The following RCBTB2 variants were observed in gnomAD, a reference collection of about 807,000 sequenced individuals.
The protein encoded by RCBTB2 is RCC1 and BTB domain containing protein 2.
In RCBTB2, 55 loss-of-function variants were observed where a neutral mutation model predicts 65.4. The observed-to-expected ratio is 0.84, with a 90% CI of 0.68 to 1.05. RCBTB2 has a LOEUF of 1.05. Ranked by LOEUF, RCBTB2 falls within the 50% of genes least tolerant of loss-of-function variation. The probability of loss-of-function intolerance (pLI) is 0.00; values close to 1 mark genes in which losing one functional copy is unlikely to be tolerated. For missense variants in RCBTB2, 599 were observed against 680.1 expected, an observed-to-expected ratio of 0.88 and a Z score of 1.33; for synonymous variants, 220 against 255.2, an observed-to-expected ratio of 0.86 and a Z score of 1.31.
At chr13:48,532,925 G>A (rs74371188) in intron 1 of RCBTB2, 103 bp downstream of exon 1, 3 of 449,494 alleles carry the variant, frequency 6.7e-6, no homozygotes, top group Non-Finnish European at 1.3e-5. Flanking sequence ...AGGTCGGGCC[G>A]CAGGGGCGGG....
intron 1 of RCBTB2, chr13:48,532,681 A>T: frequency 7.8e-6 from 2 of 256,676 alleles, no homozygotes; most frequent in Non-Finnish European, 1.6e-5. Context: ...GCGCATGCGC[A>T]GCGCAGCCTG....
In RCBTB2 at chr13:48,489,060, G is replaced by A. The variant is rs1035915194; in HGVS notation, c.*1051C>T. 4.6e-5 allele frequency: 7 copies of A among 152,152 alleles called. No homozygotes were observed. The highest frequency in any genetic ancestry group is 1.7e-4 in the African/African-American group (7 of 41,424). The allele number at this position is 152,152 out of a possible 1,614,324, so 9.4% of individuals were successfully genotyped here. ...GGTTTCCTTTACATTACATGACATTGTGAGATACACATTAGAAGAATCTGA... is the reference window on the plus strand; with the variant it reads ...GGTTTCCTTTACATTACATGACATTATGAGATACACATTAGAAGAATCTGA... On this transcript the variant is annotated 3_prime_UTR_variant, in exon 15 of 15. Transcript: ENST00000344532.
chr13:48,510,925 C>T (rs1040634484), intron 9 of RCBTB2, among the ~76,000 whole-genome samples, 154 bp from the exon 10 acceptor site: 1 of 152,208 alleles, frequency 6.6e-6, no homozygotes, highest in African/African-American at 2.4e-5. Context: ...CCTTCCAGAA[C>T]ATGTGGGCCA....
Position 48,512,110 on chromosome 13 carries a change from A to G in RCBTB2, c.581T>C (p.Ile194Thr), listed in dbSNP as rs554503594. The G allele has an allele frequency of 2.5e-6, 4 of 1,614,204 alleles. No homozygotes were observed. The East Asian group carries it at 8.9e-5, about 36-fold the overall frequency. ...VGSGSTVNQP[I>T]PRRVTGCLQN... ...TAGGCAGCCAGTGACTCTTCGAGGG[A>G]TTGGCTGATTAACTGTTGATCCAGA... Residue 194 changes from isoleucine to threonine, a missense_variant, in exon 8 of 15, where the codon ATC becomes ACC. By Grantham distance (89) the Ile-to-Thr change is moderately conservative. Coordinates refer to ENST00000344532, the MANE Select transcript of RCBTB2 (RefSeq NM_001268.4).
At chr13:48,492,998 C>T (rs1353254954) in intron 14 of RCBTB2, among the ~76,000 whole-genome samples, 8 of 152,110 alleles carry the variant, frequency 5.3e-5, no homozygotes, top group Admixed American at 5.2e-4. Context: ...TTGCTCCTAT[C>T]TTCTATATCT....
intron 13 of RCBTB2, 22 bp from the exon 14 acceptor site, chr13:48,496,343 TA>T (rs1566260167): frequency 6.6e-7 from 1 of 1,517,376 alleles, no homozygotes; most frequent in Non-Finnish European, 8.8e-7. Flanking sequence ...AGGTGTTTAT[TA>T]GGGGGAGTGA....
chr13:48,499,150 T>C (rs971518600), intron 13 of RCBTB2, among the ~76,000 whole-genome samples: 1 of 127,278 alleles, frequency 7.9e-6, no homozygotes, highest in African/African-American at 4.6e-5. Flanking sequence ...ACACTCTCTC[T>C]CTCTCTCTCT....
chr13:48,506,869 G>GAC (rs1204860290), intron 10 of RCBTB2, among the ~76,000 whole-genome samples: 2 of 152,200 alleles, frequency 1.3e-5, no homozygotes, highest in East Asian at 3.8e-4. Context: ...GTCCTTTGGG[G>GAC]TAATGTTCTA....
intron 1 of RCBTB2, among the ~76,000 whole-genome samples, chr13:48,530,637 C>G (rs1952060986): frequency 6.6e-6 from 1 of 152,232 alleles, no homozygotes; most frequent in Admixed American, 6.5e-5. Flanking sequence ...AAGATCTTCA[C>G]TAGTCATCCA....
rs1167344231 is a variant in RCBTB2, at chr13:48,505,127, CTGCG to C, written c.927-2217_927-2214del. Among the ~76,000 whole-genome samples, 84 of 150,402 alleles carry C rather than the reference CTGCG, an allele frequency of 5.6e-4. No individual in the cohort carries two copies. In the East Asian group the frequency reaches 0.017, roughly 31 times the overall value. ...TTTGAATCCTCGCTCTACCACTAGG[CTGCG>C]TGACTAGCACTAGGCTGCGTGACTA... On this transcript the variant is annotated intron_variant, in intron 10 of 14. Coordinates refer to ENST00000344532, the MANE Select transcript of RCBTB2 (RefSeq NM_001268.4).
intron 10 of RCBTB2, among the ~76,000 whole-genome samples, chr13:48,506,565 A>T (rs531787942): frequency 3.2e-4 from 49 of 152,298 alleles, no homozygotes; most frequent in African/African-American, 1.0e-3. Flanking sequence ...TGAGTCTAAG[A>T]AAACCCCCGG....
At chr13:48,528,039 T>C (rs1341321973) in intron 1 of RCBTB2, among the ~76,000 whole-genome samples, 1 of 152,242 alleles carries the variant, frequency 6.6e-6, no homozygotes, top group African/African-American at 2.4e-5. Flanking sequence ...TGAGTTAAGC[T>C]GATTATGGGA....
chr13:48,492,154 C>T (rs968831749), intron 14 of RCBTB2, among the ~76,000 whole-genome samples: 2 of 152,278 alleles, frequency 1.3e-5, no homozygotes, highest in Non-Finnish European at 2.9e-5. Context: ...TCCTATTTCA[C>T]TGAGAACCAG....
At chr13:48,509,235 G>A (rs1950656540) in intron 10 of RCBTB2, among the ~76,000 whole-genome samples, 1 of 152,138 alleles carries the variant, frequency 6.6e-6, no homozygotes, top group African/African-American at 2.4e-5. Context: ...GCTAAGGTGG[G>A]AGGATCGCCT....
chr13:48,515,738 C>T lies in RCBTB2; in HGVS notation c.46G>A (p.Val16Ile). ...PLFSGDSGKPVQATLSSLKML... is the reference protein window; with the variant it reads ...PLFSGDSGKPIQATLSSLKML... ...TTCAAAGATGACAGAGTAGCCTGTA[C>T]TGGCTGAAAAGGAAAAAATATATGT... The change falls in exon 5 of 15, where the codon GTA becomes ATA. Residue 16 changes from valine (V) to isoleucine (I), a missense_variant. Val to Ile is a conservative substitution (Grantham distance 29, BLOSUM62 3). Coordinates refer to ENST00000344532, the MANE Select transcript of RCBTB2 (RefSeq NM_001268.4). The T allele has an allele frequency of 6.3e-7, 1 of 1,593,090 alleles. No homozygotes were observed. Among genetic ancestry groups the T allele is most frequent in the Non-Finnish European group, 8.5e-7 (1 of 1,174,922 alleles).
chr13:48,504,082 A>T, intron 10 of RCBTB2: 1 of 793,690 alleles, frequency 1.3e-6, no homozygotes, highest in Non-Finnish European at 1.5e-6. Context: ...TTTCTTTAGA[A>T]TATCCAGTTA....
intron 10 of RCBTB2, among the ~76,000 whole-genome samples, chr13:48,506,047 T>C (rs548129414): frequency 1.3e-5 from 2 of 152,276 alleles, no homozygotes; most frequent in South Asian, 4.1e-4. Context: ...GAAAAATACC[T>C]GGGGGCTCCT....
chr13:48,511,113 A>G (rs1566294633), intron 9 of RCBTB2, among the ~76,000 whole-genome samples: 1 of 152,210 alleles, frequency 6.6e-6, no homozygotes. Context: ...AATTTGAAAA[A>G]TATAGAAAAA....
chr13:48,533,600 A>T (rs1003511621), upstream of RCBTB2, among the ~76,000 whole-genome samples: 2 of 152,098 alleles, frequency 1.3e-5, no homozygotes, highest in African/African-American at 4.8e-5. Context: ...TGAAATAATG[A>T]GGATGTGTGC....
Sources: gnomAD v4.1 joint callset for allele counts (sites outside exome capture counted in the v4.1 genomes callset) on GRCh38, gnomAD v4.1.1 for gene constraint, MANE v1.5 for transcripts, NCBI Gene and HGNC (gene_info 2026-07-23, HGNC 2026-07-21) for gene names.